Variants in APP observed in about 807,000 individuals in gnomAD.
The protein encoded by APP is amyloid-beta precursor protein.
In APP, 31 loss-of-function variants were observed where a neutral mutation model predicts 101.4. That is an observed-to-expected ratio of 0.31 (90% confidence interval 0.23 to 0.41). The LOEUF (loss-of-function observed/expected upper bound fraction) is 0.41. Ranked by LOEUF, APP falls within the 10% of genes least tolerant of loss-of-function variation. The probability of loss-of-function intolerance (pLI) is 1.00; values close to 1 mark genes in which losing one functional copy is unlikely to be tolerated. For synonymous variants in APP, 366 were observed against 364.4 expected (o/e 1.00, Z -0.05); for missense variants, 839 against 1,003.7 (o/e 0.84, Z 2.22).
chr21:25,930,755 C>T (rs950415793), intron 13 of APP, among the ~76,000 whole-genome samples: 5 of 152,310 alleles, frequency 3.3e-5, no homozygotes, highest in African/African-American at 1.2e-4. Flanking sequence ...CTCGTGTTTT[C>T]TTTAACACAA....
rs962130511 is a variant in APP, at chr21:26,012,736, G to A, written c.865+9104C>T. Among the ~76,000 whole-genome samples the A allele has an allele frequency of 2.0e-5, 3 of 152,142 alleles. No individual in the cohort carries two copies. The South Asian group carries it at 6.2e-4, about 32-fold the overall frequency. ...AAACCAGTAACCCAGCACTTTGGGA[G>A]GCCAAGGTGGGTGAATCACCTGAGG... On this transcript the variant is annotated intron_variant, in intron 6 of 17. Coordinates refer to ENST00000346798, the MANE Select transcript of APP (RefSeq NM_000484.4).
rs141124596 is a variant in APP at position 26,151,384 on chromosome 21, C to T, written c.57+19180G>A. ...ACTTACAGTTAAGCTTCTGCCTACA[C>T]GAGCAATCACAGAACCATTAAATAA... On this transcript the variant is annotated intron_variant, in intron 1 of 17. Coordinates refer to ENST00000346798, the MANE Select transcript of APP (RefSeq NM_000484.4). 3.9e-5 allele frequency among the ~76,000 whole-genome samples: 6 copies of T among 152,318 alleles called. No individual in the cohort carries two copies. In the East Asian group the frequency reaches 7.7e-4, roughly 20 times the overall value.
At chr21:26,100,132 G>A (rs752286842) in intron 2 of APP, among the ~76,000 whole-genome samples, 5 of 152,170 alleles carry the variant, frequency 3.3e-5, no homozygotes, top group Non-Finnish European at 7.4e-5. Flanking sequence ...ACAAGCAGAT[G>A]TGTACACATA....
At chr21:26,083,328 G>A (rs1056669739) in intron 3 of APP, among the ~76,000 whole-genome samples, 29 of 152,204 alleles carry the variant, frequency 1.9e-4, no homozygotes, top group Admixed American at 9.2e-4. Flanking sequence ...ACATTACAGT[G>A]TCTGGTGTGA....
intron 13 of APP, among the ~76,000 whole-genome samples, chr21:25,915,031 C>G (rs565533867): frequency 6.6e-6 from 1 of 152,344 alleles, no homozygotes; most frequent in South Asian, 2.1e-4. Context: ...ATGGCTCCCT[C>G]TTTGTTTCAG....
intron 8 of APP, among the ~76,000 whole-genome samples, chr21:25,988,963 G>C (rs894503295): frequency 6.6e-6 from 1 of 152,078 alleles, no homozygotes; most frequent in Non-Finnish European, 1.5e-5. Flanking sequence ...TTCACACTGT[G>C]ATCTATTCTC....
At chr21:25,960,888 C>T (rs2041551576) in intron 11 of APP, among the ~76,000 whole-genome samples, 1 of 152,140 alleles carries the variant, frequency 6.6e-6, no homozygotes, top group African/African-American at 2.4e-5. Flanking sequence ...AGGAATCATG[C>T]TTGGAAATGA....
chr21:26,014,594 T>C (rs2043969576), intron 6 of APP, among the ~76,000 whole-genome samples: 1 of 152,152 alleles, frequency 6.6e-6, no homozygotes, highest in South Asian at 2.1e-4. Flanking sequence ...GAGAGACTCA[T>C]CCCTCTCAAG....
At chr21:26,047,741 C>CA (rs1469184281) in intron 5 of APP, among the ~76,000 whole-genome samples, 1 of 152,116 alleles carries the variant, frequency 6.6e-6, no homozygotes. Context: ...TAAGAAATTT[C>CA]AAGTCATCCA....
intron 3 of APP, among the ~76,000 whole-genome samples, chr21:26,084,817 T>C (rs1176083661): frequency 6.6e-6 from 1 of 152,244 alleles, no homozygotes; most frequent in Non-Finnish European, 1.5e-5. Context: ...GGCATCATGG[T>C]GTTTTCAAAA....
intron 13 of APP, among the ~76,000 whole-genome samples, chr21:25,915,202 A>C (rs2039293687): frequency 6.6e-6 from 1 of 152,224 alleles, no homozygotes; most frequent in Admixed American, 6.5e-5. Context: ...GTATTCCCAC[A>C]AAAGACCATG....
intron 1 of APP, among the ~76,000 whole-genome samples, chr21:26,156,296 T>A (rs757206739): frequency 7.2e-4 from 109 of 152,180 alleles, no homozygotes; most frequent in Non-Finnish European, 1.1e-3. Context: ...TGCAACTAAT[T>A]TTTGCAATCT....
chr21:25,901,549 T>C (rs954856990), intron 15 of APP, among the ~76,000 whole-genome samples: 4 of 152,108 alleles, frequency 2.6e-5, no homozygotes, highest in African/African-American at 4.8e-5. Context: ...CTTTTTACAT[T>C]AAGCAAATCT....
intron 1 of APP, among the ~76,000 whole-genome samples, chr21:26,117,072 C>T (rs1303207779): frequency 6.6e-6 from 1 of 152,120 alleles, no homozygotes; most frequent in Non-Finnish European, 1.5e-5. Context: ...TTAGTAGAGA[C>T]AGGGTTTCAC....
chr21:26,111,281 T>C (rs1223939585), intron 2 of APP, among the ~76,000 whole-genome samples: 1 of 151,888 alleles, frequency 6.6e-6, no homozygotes, highest in Non-Finnish European at 1.5e-5. Context: ...AGTCAAAAAG[T>C]AAAATTAATA....
intron 15 of APP, among the ~76,000 whole-genome samples, chr21:25,900,240 A>G (rs1007157713): frequency 1.3e-5 from 2 of 152,078 alleles, no homozygotes; most frequent in Non-Finnish European, 2.9e-5. Context: ...TGTTATTAAG[A>G]TCTGGCAACG....
intron 5 of APP, among the ~76,000 whole-genome samples, chr21:26,034,413 G>A (rs2044994060): frequency 6.6e-6 from 1 of 152,088 alleles, no homozygotes; most frequent in Admixed American, 6.5e-5. Context: ...GGGAGGCTGA[G>A]GCGGGCGGAT....
intron 3 of APP, among the ~76,000 whole-genome samples, chr21:26,065,002 C>G (rs574408421): frequency 6.6e-6 from 1 of 152,160 alleles, no homozygotes; most frequent in Non-Finnish European, 1.5e-5. Flanking sequence ...TACAGGCCTG[C>G]GCCACCACGC....
At chr21:26,126,985 A>G (rs73168380) in intron 1 of APP, among the ~76,000 whole-genome samples, 22,356 of 151,940 alleles carry the variant, frequency 0.15, 1,834 homozygotes, top group Admixed American at 0.23. Context: ...AGCAAAAAAA[A>G]AAAACGTTAA....
Sources: allele counts gnomAD v4.1 joint callset (sites outside exome capture counted in the v4.1 genomes callset), GRCh38; gene constraint gnomAD v4.1.1; transcripts MANE v1.5; gene names NCBI Gene and HGNC (gene_info 2026-07-23, HGNC 2026-07-21).